ERP44: variants seen among roughly 807,000 people sequenced by gnomAD.
ERP44 encodes the protein endoplasmic reticulum resident protein 44.
ERP44 carries 25 observed loss-of-function variants against 53.4 expected under a neutral mutation model. The ratio of observed to expected loss-of-function variants is 0.47; its 90% confidence interval spans 0.34 to 0.65. The LOEUF (loss-of-function observed/expected upper bound fraction) is 0.65, where lower values mean the gene tolerates loss of function less well. Ranked by LOEUF, ERP44 falls within the 30% of genes least tolerant of loss-of-function variation. The pLI is 0.01. For synonymous variants in ERP44, 145 were observed against 161.2 expected, an observed-to-expected ratio of 0.90 and a Z score of 0.76; for missense variants, 338 against 493.2, an observed-to-expected ratio of 0.69 and a Z score of 2.98.
chr9:100,070,327 A>C (rs1268233196), intron 1 of ERP44, among the ~76,000 whole-genome samples: 1 of 152,242 alleles, frequency 6.6e-6, no homozygotes, highest in East Asian at 1.9e-4. Context: ...TAATTTGTAC[A>C]TGGTTACATT....
At chr9:100,026,614 G>C (rs1830655175) in intron 4 of ERP44, among the ~76,000 whole-genome samples, 1 of 151,962 alleles carries the variant, frequency 6.6e-6, no homozygotes, top group Non-Finnish European at 1.5e-5. Flanking sequence ...CTTTCATACT[G>C]GCAAAAAATC....
At chr9:100,023,627 T>C (rs1830620356) in intron 4 of ERP44, among the ~76,000 whole-genome samples, 1 of 151,896 alleles carries the variant, frequency 6.6e-6, no homozygotes, top group Non-Finnish European at 1.5e-5. Flanking sequence ...AATTATTTTT[T>C]GTAGAGATGA....
At chr9:100,052,332 A>G in intron 4 of ERP44, 85 bp downstream of exon 4, 1 of 617,290 alleles carries the variant, frequency 1.6e-6, no homozygotes, top group Non-Finnish European at 2.6e-6. Flanking sequence ...AAAAAAAAAG[A>G]AAAGAAAAGA....
intron 4 of ERP44, among the ~76,000 whole-genome samples, chr9:100,042,029 A>C (rs1825910603): frequency 6.6e-6 from 1 of 152,240 alleles, no homozygotes. Flanking sequence ...CGATAGGCAC[A>C]GGCAACCAAA....
At chr9:100,064,080 C>T (rs1826185520) in intron 1 of ERP44, among the ~76,000 whole-genome samples, 1 of 152,206 alleles carries the variant, frequency 6.6e-6, no homozygotes, top group African/African-American at 2.4e-5. Context: ...TCTCTCCCTG[C>T]TCTGAACACC....
At chr9:100,001,550 T>C (rs1830378118) in intron 10 of ERP44, among the ~76,000 whole-genome samples, 1 of 152,226 alleles carries the variant, frequency 6.6e-6, no homozygotes, top group Non-Finnish European at 1.5e-5. Flanking sequence ...AATTATTATA[T>C]CCTCTTGCTG....
chr9:100,087,412 A>G (rs1056697011), intron 1 of ERP44, among the ~76,000 whole-genome samples: 1 of 152,166 alleles, frequency 6.6e-6, no homozygotes, highest in Admixed American at 6.5e-5. Flanking sequence ...TTTTAATACC[A>G]TTGGACAGAC....
intron 1 of ERP44, among the ~76,000 whole-genome samples, chr9:100,071,093 G>GTTTT (rs34853838): frequency 0.018 from 2,182 of 119,468 alleles, 84 homozygotes; most frequent in South Asian, 0.029. Flanking sequence ...ATTATATAAG[G>GTTTT]TTTTTTTTTT....
At chr9:100,086,185 T>C (rs1826480236) in intron 1 of ERP44, among the ~76,000 whole-genome samples, 1 of 152,246 alleles carries the variant, frequency 6.6e-6, no homozygotes, top group Non-Finnish European at 1.5e-5. Context: ...GCATGTTTCC[T>C]CACTTTCATT....
intron 4 of ERP44, among the ~76,000 whole-genome samples, chr9:100,025,601 A>G (rs1394305965): frequency 6.6e-6 from 1 of 152,210 alleles, no homozygotes; most frequent in Non-Finnish European, 1.5e-5. Flanking sequence ...CAAACTAGGA[A>G]GAGAACTTCC....
chr9:100,013,593 A>G (rs997764007), intron 8 of ERP44, among the ~76,000 whole-genome samples: 9 of 152,166 alleles, frequency 5.9e-5, no homozygotes, highest in African/African-American at 2.2e-4. Context: ...TAAAACCACA[A>G]TGAGACTCTA....
intron 10 of ERP44, among the ~76,000 whole-genome samples, chr9:99,996,310 G>A (rs1329684452): frequency 3.3e-5 from 5 of 152,054 alleles, no homozygotes; most frequent in African/African-American, 4.8e-5. Context: ...AAGCCAGGAC[G>A]CCCCTCAGCT....
chr9:100,042,635 A>G (rs969978569), intron 4 of ERP44, among the ~76,000 whole-genome samples: 2 of 152,242 alleles, frequency 1.3e-5, no homozygotes, highest in Non-Finnish European at 2.9e-5. Flanking sequence ...ACTATTCAGA[A>G]CAGGCTAGAT....
chr9:99,994,340 A>G (rs1830287251), intron 10 of ERP44, among the ~76,000 whole-genome samples: 1 of 152,200 alleles, frequency 6.6e-6, no homozygotes, highest in Admixed American at 6.5e-5. Flanking sequence ...AGATGAGTTC[A>G]TGTCCTTTGT....
intron 3 of ERP44, 61 bp from the exon 4 acceptor site, chr9:100,052,593 C>A: frequency 2.5e-6 from 2 of 802,518 alleles, no homozygotes; most frequent in Non-Finnish European, 4.0e-6. Context: ...ATCTTATTTC[C>A]GTTATTGCCC....
intron 8 of ERP44, among the ~76,000 whole-genome samples, chr9:100,014,504 G>T (rs542837092): frequency 6.6e-6 from 1 of 152,140 alleles, no homozygotes; most frequent in Non-Finnish European, 1.5e-5. Context: ...AGCCAGGCTG[G>T]TCTCGAACTC....
At chr9:100,005,127 T>C (rs1428865598) in intron 10 of ERP44, among the ~76,000 whole-genome samples, 1 of 152,222 alleles carries the variant, frequency 6.6e-6, no homozygotes, top group Non-Finnish European at 1.5e-5. Context: ...TTTCCATTTA[T>C]ATTCACCAAC....
chr9:100,003,432 TTGAC>T (rs1316233501), intron 10 of ERP44, among the ~76,000 whole-genome samples: 1 of 152,244 alleles, frequency 6.6e-6, no homozygotes, highest in Non-Finnish European at 1.5e-5. Flanking sequence ...ATTCTAGTCT[TTGAC>T]TGGCTTTGTC....
chr9:100,034,537 T>G lies in ERP44; in HGVS notation c.287-12311A>C, dbSNP rs181528561. 1.8e-4 allele frequency among the ~76,000 whole-genome samples: 28 copies of G among 152,252 alleles called. No homozygotes were observed. The East Asian group carries it at 5.4e-3, about 29-fold the overall frequency. ...GCAGCCATTTCTTTTATTCCCTTGCTTTCCTAATTAATTTGCTTTCACTTA... is the reference window on the plus strand; with the variant it reads ...GCAGCCATTTCTTTTATTCCCTTGCGTTCCTAATTAATTTGCTTTCACTTA... On this transcript the variant is annotated intron_variant, in intron 4 of 11. Coordinates refer to ENST00000262455, the MANE Select transcript of ERP44 (RefSeq NM_015051.3).
Sources: gnomAD v4.1 joint callset for allele counts (sites outside exome capture counted in the v4.1 genomes callset) on GRCh38, gnomAD v4.1.1 for gene constraint, MANE v1.5 for transcripts, NCBI Gene and HGNC (gene_info 2026-07-23, HGNC 2026-07-21) for gene names.